Variants in DPYD observed in about 807,000 individuals in gnomAD.
DPYD encodes dihydropyrimidine dehydrogenase [NADP(+)].
A neutral mutation model predicts 116.2 loss-of-function variants in DPYD; 109 were observed. The ratio of observed to expected loss-of-function variants is 0.94; its 90% CI spans 0.80 to 1.10. The LOEUF is 1.10. Ranked by LOEUF, DPYD falls within the 50% of genes least tolerant of loss-of-function variation. DPYD has a pLI of 0.00. For missense variants in DPYD, 1,302 were observed against 1,254.5 expected (o/e 1.04, Z -0.57); for synonymous variants, 440 against 432.0 (o/e 1.02, Z -0.23).
intron 16 of DPYD, among the ~76,000 whole-genome samples, chr1:97,313,820 T>A (rs375001406): frequency 1.1e-4 from 16 of 151,948 alleles, no homozygotes; most frequent in African/African-American, 3.6e-4. Flanking sequence ...ATAGTCATCT[T>A]CTCTGTTCCA....
At chr1:97,450,370 T>A in intron 13 of DPYD, 147 bp from the exon 14 acceptor site, 1 of 800,172 alleles carries the variant, frequency 1.2e-6, no homozygotes, top group Non-Finnish European at 1.9e-6. Context: ...AAATTAGAAT[T>A]GAACATAAAC....
intron 19 of DPYD, among the ~76,000 whole-genome samples, chr1:97,195,721 A>ATTCCATGAT (rs1658760501): frequency 7.7e-6 from 1 of 130,594 alleles, no homozygotes; most frequent in Non-Finnish European, 1.6e-5. Context: ...AGTGGTAGTG[A>ATTCCATGAT]TTCCATGATG....
chr1:97,205,547 C>A (rs1373686186), intron 19 of DPYD, among the ~76,000 whole-genome samples: 1 of 151,962 alleles, frequency 6.6e-6, no homozygotes, highest in African/African-American at 2.4e-5. Flanking sequence ...TTAGTAAGAA[C>A]TTCATATATT....
In DPYD at chr1:97,608,986, A is replaced by T. The variant is rs72732371; in HGVS notation, c.851-13820T>A. Reference sequence around the variant, plus strand: ...TACTAACATCTGAACCACTCTAATGATAGTATAGAGAGCATACATTTTGAC... The same window carrying T: ...TACTAACATCTGAACCACTCTAATGTTAGTATAGAGAGCATACATTTTGAC... On this transcript the variant is annotated intron_variant, in intron 8 of 22. Transcript: ENST00000370192. Among the ~76,000 whole-genome samples, 697 of 152,040 alleles carry T rather than the reference A, an allele frequency of 4.6e-3. 10 individuals carry two copies. The highest frequency in any genetic ancestry group is 0.016 in the African/African-American group (652 of 41,534).
intron 1 of DPYD, among the ~76,000 whole-genome samples, chr1:97,915,825 G>A (rs567681770): frequency 6.6e-6 from 1 of 152,218 alleles, no homozygotes; most frequent in Non-Finnish European, 1.5e-5. Flanking sequence ...CCTCCATTTT[G>A]ATCTCCTCTT....
chr1:97,720,012 C>A (rs1269322370), intron 5 of DPYD: 1 of 984,834 alleles, frequency 1.0e-6, no homozygotes, highest in African/African-American at 1.8e-5. Flanking sequence ...ATGTCTCTGT[C>A]TTAAATAGAC....
At chr1:97,902,196 G>A (rs113357425) in intron 1 of DPYD, among the ~76,000 whole-genome samples, 88 of 151,730 alleles carry the variant, frequency 5.8e-4, no homozygotes, top group African/African-American at 2.1e-3. Flanking sequence ...TTACAGATGC[G>A]CCTAGTGAAG....
chr1:97,857,916 G>A (rs1399368056), intron 2 of DPYD, among the ~76,000 whole-genome samples: 1 of 151,924 alleles, frequency 6.6e-6, no homozygotes, highest in Non-Finnish European at 1.5e-5. Context: ...TGACTAGGAA[G>A]AGACTCAACT....
At chr1:97,329,381 T>C (rs1668864929) in intron 16 of DPYD, among the ~76,000 whole-genome samples, 1 of 152,158 alleles carries the variant, frequency 6.6e-6, no homozygotes, top group Admixed American at 6.6e-5. Flanking sequence ...ACATTCTTTA[T>C]TTTCAGTATT....
intron 8 of DPYD, among the ~76,000 whole-genome samples, chr1:97,674,816 T>G (rs1039288714): frequency 1.2e-4 from 18 of 152,206 alleles, no homozygotes; most frequent in African/African-American, 4.3e-4. Context: ...TTCTTTATTG[T>G]TTTTTAAATT....
chr1:97,736,340 T>C (rs1663939710), intron 4 of DPYD, among the ~76,000 whole-genome samples: 1 of 151,374 alleles, frequency 6.6e-6, no homozygotes, highest in African/African-American at 2.4e-5. Flanking sequence ...GTGAAAAAAC[T>C]TTTCAAAAGT....
At chr1:97,315,041 CT>C (rs1667734370) in intron 16 of DPYD, among the ~76,000 whole-genome samples, 1 of 151,984 alleles carries the variant, frequency 6.6e-6, no homozygotes, top group Non-Finnish European at 1.5e-5. Context: ...GGTTAACTTT[CT>C]GCAATGTTGA....
intron 19 of DPYD, among the ~76,000 whole-genome samples, chr1:97,208,548 G>C (rs983953791): frequency 1.3e-5 from 2 of 151,962 alleles, no homozygotes; most frequent in African/African-American, 2.4e-5. Context: ...AGCCTCCCAA[G>C]GATTGGGACT....
chr1:97,589,737 CAT>C (rs1452729884), intron 10 of DPYD, among the ~76,000 whole-genome samples: 3 of 152,202 alleles, frequency 2.0e-5, no homozygotes, highest in Non-Finnish European at 4.4e-5. Flanking sequence ...CACCATCAGA[CAT>C]ATACATGTTG....
chr1:97,682,377 TAACAAG>T (rs1252404179), intron 7 of DPYD, among the ~76,000 whole-genome samples: 1 of 151,726 alleles, frequency 6.6e-6, no homozygotes, highest in East Asian at 2.0e-4. Flanking sequence ...GACAAAGCCA[TAACAAG>T]AACATTCCAA....
At chr1:97,733,192 A>T (rs1663730703) in intron 4 of DPYD, among the ~76,000 whole-genome samples, 1 of 152,080 alleles carries the variant, frequency 6.6e-6, no homozygotes, top group South Asian at 2.1e-4. Context: ...CTCACTCCTT[A>T]TACCACAATG....
At chr1:97,785,633 A>G (rs1445726434) in intron 3 of DPYD, among the ~76,000 whole-genome samples, 1 of 125,946 alleles carries the variant, frequency 7.9e-6, no homozygotes, top group Non-Finnish European at 1.6e-5. Flanking sequence ...ATAGATCTTT[A>G]TGCTGGCCAC....
At chr1:97,587,601 G>A (rs1039811976) in intron 10 of DPYD, among the ~76,000 whole-genome samples, 6 of 151,940 alleles carry the variant, frequency 3.9e-5, no homozygotes, top group African/African-American at 1.5e-4. Context: ...CGAGGAGGGC[G>A]GATCACAAGG....
At chr1:97,522,144 T>C (rs1465085671) in intron 12 of DPYD, among the ~76,000 whole-genome samples, 1 of 152,218 alleles carries the variant, frequency 6.6e-6, no homozygotes, top group African/African-American at 2.4e-5. Flanking sequence ...AGAAGATTTC[T>C]GTAGTCTATC....
Sources: gnomAD v4.1 joint callset for allele counts (sites outside exome capture counted in the v4.1 genomes callset) on GRCh38, gnomAD v4.1.1 for gene constraint, MANE v1.5 for transcripts, NCBI Gene and HGNC (gene_info 2026-07-23, HGNC 2026-07-21) for gene names.